Variants in TMTC1 observed in about 807,000 individuals in gnomAD.
TMTC1 encodes the protein protein O-mannosyl-transferase TMTC1.
In TMTC1, 73 loss-of-function variants were observed where a neutral mutation model predicts 104.8. That is an observed-to-expected ratio of 0.70 (90% CI 0.58 to 0.85). TMTC1 has a LOEUF of 0.85. Among genes scored for constraint, TMTC1 ranks in the 40% least tolerant of loss-of-function variants. The pLI, the probability that TMTC1 is intolerant of heterozygous loss-of-function variation, is 0.00. For synonymous variants in TMTC1, 434 were observed against 428.7 expected (o/e 1.01, Z -0.15); for missense variants, 1,035 against 1,096.1 (o/e 0.94, Z 0.79).
intron 5 of TMTC1, among the ~76,000 whole-genome samples, chr12:29,695,125 C>T (rs1941380006): frequency 6.6e-6 from 1 of 152,076 alleles, no homozygotes; most frequent in Non-Finnish European, 1.5e-5. Context: ...CACATCACTC[C>T]AATCCCTGCC....
chr12:29,542,144 C>A (rs1210645350), intron 10 of TMTC1, among the ~76,000 whole-genome samples: 1 of 152,126 alleles, frequency 6.6e-6, no homozygotes, highest in Non-Finnish European at 1.5e-5. Flanking sequence ...AGTTAACTAG[C>A]CCATAATTGG....
chr12:29,532,870 A>T (rs1944543506), intron 11 of TMTC1: 3 of 151,590 alleles, frequency 2.0e-5, no homozygotes, highest in Admixed American at 2.0e-4. Context: ...AAATCTTCTC[A>T]TTTTCTTAGG....
intron 6 of TMTC1, among the ~76,000 whole-genome samples, chr12:29,625,501 A>C (rs1937938855): frequency 1.3e-5 from 2 of 152,242 alleles, no homozygotes; most frequent in South Asian, 4.1e-4. Context: ...GAATTGCCAG[A>C]GGCTCTAGTT....
intron 6 of TMTC1, among the ~76,000 whole-genome samples, chr12:29,616,301 C>G (rs1192425762): frequency 6.6e-6 from 1 of 152,288 alleles, no homozygotes; most frequent in East Asian, 1.9e-4. Context: ...CTATAACCTA[C>G]TCCCCAAAAA....
intron 1 of TMTC1, among the ~76,000 whole-genome samples, chr12:29,780,194 T>C (rs1943801258): frequency 6.6e-6 from 1 of 152,188 alleles, no homozygotes; most frequent in Non-Finnish European, 1.5e-5. Context: ...TAAAAACCTG[T>C]AAGTGAATTT....
chr12:29,668,454 C>CTTATTTTTTTTT (rs1940370096), intron 5 of TMTC1, among the ~76,000 whole-genome samples: 1 of 90,090 alleles, frequency 1.1e-5, no homozygotes. Flanking sequence ...ACCAACTTAT[C>CTTATTTTTTTTT]TTTTTTTTTT....
At chr12:29,607,078 C>T (rs532349257) in intron 6 of TMTC1, among the ~76,000 whole-genome samples, 3 of 152,130 alleles carry the variant, frequency 2.0e-5, no homozygotes, top group Non-Finnish European at 2.9e-5. Context: ...CGATCAGCCT[C>T]CCCCAGAAAT....
intron 9 of TMTC1, among the ~76,000 whole-genome samples, chr12:29,570,267 G>T (rs1027842998): frequency 6.6e-6 from 1 of 152,062 alleles, no homozygotes; most frequent in Non-Finnish European, 1.5e-5. Context: ...ATTGCAAAAG[G>T]AATAGATGTT....
chr12:29,727,918 T>C (rs2136906147), intron 5 of TMTC1, among the ~76,000 whole-genome samples: 1 of 152,208 alleles, frequency 6.6e-6, no homozygotes, highest in African/African-American at 2.4e-5. Flanking sequence ...GCTTCCCGAG[T>C]AGCTGGGACT....
At chr12:29,575,119 T>C (rs1467417953) in intron 8 of TMTC1, among the ~76,000 whole-genome samples, 1 of 152,072 alleles carries the variant, frequency 6.6e-6, no homozygotes, top group Non-Finnish European at 1.5e-5. Flanking sequence ...TAGCAAGTGG[T>C]AGGGATGGGA....
At chr12:29,540,792 C>T (rs1461865049) in intron 10 of TMTC1, among the ~76,000 whole-genome samples, 2 of 151,972 alleles carry the variant, frequency 1.3e-5, no homozygotes, top group African/African-American at 4.8e-5. Flanking sequence ...CAGAGGAGTT[C>T]GAGACCAGCC....
chr12:29,735,956 G>T (rs906423068), intron 5 of TMTC1, among the ~76,000 whole-genome samples: 1 of 152,182 alleles, frequency 6.6e-6, no homozygotes, highest in East Asian at 1.9e-4. Context: ...GTCTCCTCGG[G>T]TCTATTACAG....
chr12:29,699,900 C>T (rs1012448881), intron 5 of TMTC1, among the ~76,000 whole-genome samples: 1 of 151,982 alleles, frequency 6.6e-6, no homozygotes, highest in African/African-American at 2.4e-5. Context: ...CCTCAACCTC[C>T]CAAAATGCCG....
intron 5 of TMTC1, among the ~76,000 whole-genome samples, chr12:29,661,862 G>A (rs774010833): frequency 3.3e-5 from 5 of 152,116 alleles, no homozygotes; most frequent in Admixed American, 6.5e-5. Context: ...TTACAAGAAC[G>A]TCAGCTTCTA....
At chr12:29,683,411 A>T (rs1049178928) in intron 5 of TMTC1, among the ~76,000 whole-genome samples, 1 of 152,370 alleles carries the variant, frequency 6.6e-6, no homozygotes, top group South Asian at 2.1e-4. Flanking sequence ...AGAAGTTAGG[A>T]TAAACATTAT....
chr12:29,512,020 A>T, intron 17 of TMTC1, 23 bp downstream of exon 17: 1 of 1,609,564 alleles, frequency 6.2e-7, no homozygotes, highest in Admixed American at 1.7e-5. Flanking sequence ...CCCGGTCCAC[A>T]TGGGAGTGAA....
chr12:29,569,943 C>T (rs1368739876), intron 9 of TMTC1, among the ~76,000 whole-genome samples: 1 of 152,126 alleles, frequency 6.6e-6, no homozygotes, highest in African/African-American at 2.4e-5. Flanking sequence ...AGTACCCAAC[C>T]AGCTACTATA....
At chr12:29,721,489 A>G (rs1942236151) in intron 5 of TMTC1, among the ~76,000 whole-genome samples, 1 of 152,194 alleles carries the variant, frequency 6.6e-6, no homozygotes. Context: ...TAATCACCAA[A>G]AAGATATTAT....
intron 5 of TMTC1, among the ~76,000 whole-genome samples, chr12:29,655,846 T>TA (rs1939728507): frequency 6.6e-6 from 1 of 152,110 alleles, no homozygotes; most frequent in African/African-American, 2.4e-5. Flanking sequence ...TAACAGCTAC[T>TA]AAATGGGGAA....
Sources: allele counts gnomAD v4.1 joint callset (sites outside exome capture counted in the v4.1 genomes callset), GRCh38; gene constraint gnomAD v4.1.1; transcripts MANE v1.5; gene names NCBI Gene and HGNC (gene_info 2026-07-23, HGNC 2026-07-21).